CAPZB: variants seen among roughly 807,000 people sequenced by gnomAD.
The protein encoded by CAPZB is F-actin-capping protein subunit beta.
CAPZB carries 2 observed loss-of-function variants against 38.1 expected under a neutral mutation model. That is an observed-to-expected ratio of 0.05 (90% CI 0.02 to 0.17). The LOEUF is 0.17. CAPZB is among the 10% of genes least tolerant of loss of function. CAPZB has a pLI of 1.00. For synonymous variants in CAPZB, 107 were observed against 127.4 expected, an observed-to-expected ratio of 0.84 and a Z score of 1.08; for missense variants, 161 against 334.2, an observed-to-expected ratio of 0.48 and a Z score of 4.04.
chr1:19,442,381 G>A (rs146398623), intron 1 of CAPZB, among the ~76,000 whole-genome samples: 3 of 152,248 alleles, frequency 2.0e-5, no homozygotes, highest in East Asian at 3.9e-4. Context: ...CTGAAACAAC[G>A]CTGGGCACGG....
chr1:19,419,811 C>T (rs113768948), intron 1 of CAPZB, 61 bp from the exon 2 acceptor site: 12 of 1,002,242 alleles, frequency 1.2e-5, no homozygotes, highest in African/African-American at 6.5e-5. Flanking sequence ...TCAAAAACTC[C>T]TTTTAAAAAG....
At chr1:19,342,763 T>C in intron 8 of CAPZB, 1 of 1,608,428 alleles carries the variant, frequency 6.2e-7, no homozygotes, top group Admixed American at 1.7e-5. Context: ...TGGATCGGCT[T>C]AATTATCAGG....
chr1:19,449,417 A>G, intron 1 of CAPZB: 3 of 818,702 alleles, frequency 3.7e-6, no homozygotes, highest in Non-Finnish European at 4.5e-6. Context: ...AAGAACCAGC[A>G]GGTCTCAGGG....
At chr1:19,342,602 C>G (rs1219004184) in intron 8 of CAPZB, 2 of 640,294 alleles carry the variant, frequency 3.1e-6, no homozygotes, top group African/African-American at 1.8e-5. Context: ...CGAGGCTACA[C>G]GGGAATGTGG....
At chr1:19,440,864 C>G (rs534240091) in intron 1 of CAPZB, among the ~76,000 whole-genome samples, 3 of 152,086 alleles carry the variant, frequency 2.0e-5, no homozygotes, top group Admixed American at 2.0e-4. Context: ...ATCGAGACCA[C>G]CTTGGCTAAC....
chr1:19,479,319 A>G (rs1446189801), intron 1 of CAPZB, among the ~76,000 whole-genome samples: 2 of 152,184 alleles, frequency 1.3e-5, no homozygotes, highest in Admixed American at 6.5e-5. Context: ...ACCAGAACCT[A>G]ATGCTGTGTG....
Position 19,430,814 on chromosome 1 carries a change from T to C in CAPZB, c.4-11064A>G, listed in dbSNP as rs2094439465. ...CTACCTAAAGGCAAGCACTGCCTGC[T>C]TTTTACAACATATACAATGGGCTAA... is the stretch of plus-strand genomic sequence containing the variant. On this transcript the variant is annotated intron_variant, in intron 1 of 8. Coordinates refer to ENST00000264202, the MANE Select transcript of CAPZB (RefSeq NM_004930.5). Among the ~76,000 whole-genome samples, 2 of 152,200 alleles carry C rather than the reference T, an allele frequency of 1.3e-5. 1 individual carries two copies. Among genetic ancestry groups the C allele is most frequent in the Non-Finnish European group, 2.9e-5 (2 of 68,038 alleles).
intron 1 of CAPZB, among the ~76,000 whole-genome samples, chr1:19,426,726 T>C (rs1158276497): frequency 1.3e-5 from 2 of 152,208 alleles, no homozygotes; most frequent in Non-Finnish European, 2.9e-5. Context: ...TGCAATAGTA[T>C]GAGACCCCAA....
intron 2 of CAPZB, among the ~76,000 whole-genome samples, chr1:19,415,405 C>A (rs1008626694): frequency 1.3e-5 from 2 of 152,178 alleles, no homozygotes; most frequent in African/African-American, 2.4e-5. Flanking sequence ...CTGAAACTAC[C>A]GCTTTGGGAA....
At chr1:19,401,402 G>A (rs1566531) in intron 2 of CAPZB, among the ~76,000 whole-genome samples, 44,586 of 151,960 alleles carry the variant, frequency 0.29, 6,899 homozygotes, top group Middle Eastern at 0.37. Flanking sequence ...CATCAGCATC[G>A]GCAAATCTCC....
At chr1:19,352,833 T>C (rs2093999233) in intron 6 of CAPZB, among the ~76,000 whole-genome samples, 2 of 152,354 alleles carry the variant, frequency 1.3e-5, no homozygotes, top group African/African-American at 4.8e-5. Context: ...GAGGCAGGGC[T>C]AGGTGGAGGC....
At chr1:19,419,963 G>A in intron 1 of CAPZB, 1 of 522,098 alleles carries the variant, frequency 1.9e-6, no homozygotes, top group Non-Finnish European at 3.4e-6. Context: ...TCTCAAGTGG[G>A]GGCATCCAAA....
chr1:19,444,394 T>G (rs1019579912), intron 1 of CAPZB, among the ~76,000 whole-genome samples: 3 of 152,172 alleles, frequency 2.0e-5, no homozygotes, highest in African/African-American at 7.2e-5. Flanking sequence ...ATTAAAACAC[T>G]CTAGGGTCCA....
intron 4 of CAPZB, among the ~76,000 whole-genome samples, chr1:19,377,482 A>T (rs2094149934): frequency 6.6e-6 from 1 of 152,236 alleles, no homozygotes. Context: ...TGTATATAAA[A>T]TATTCGTATA....
At chr1:19,351,762 C>T (rs990994779) in intron 6 of CAPZB, among the ~76,000 whole-genome samples, 3 of 152,146 alleles carry the variant, frequency 2.0e-5, no homozygotes, top group Non-Finnish European at 4.4e-5. Flanking sequence ...ACATCCTTTA[C>T]CAGAAAACTG....
chr1:19,446,242 T>C (rs1184394918), intron 1 of CAPZB, among the ~76,000 whole-genome samples: 3 of 152,362 alleles, frequency 2.0e-5, no homozygotes, highest in South Asian at 4.1e-4. Flanking sequence ...CAGGATGCAC[T>C]GCGTGCAGGA....
intron 4 of CAPZB, among the ~76,000 whole-genome samples, chr1:19,371,531 C>A (rs1255301572): frequency 1.3e-5 from 2 of 152,164 alleles, no homozygotes. Flanking sequence ...CCCAGTCAGT[C>A]AGCAAGAAAA....
chr1:19,374,759 G>A (rs2094136641), intron 4 of CAPZB, among the ~76,000 whole-genome samples: 1 of 152,244 alleles, frequency 6.6e-6, no homozygotes, highest in South Asian at 2.1e-4. Flanking sequence ...CAGCAGACGG[G>A]AGCATTGGGT....
At chr1:19,467,309 C>T (rs922415236) in intron 1 of CAPZB, among the ~76,000 whole-genome samples, 1 of 152,178 alleles carries the variant, frequency 6.6e-6, no homozygotes, top group African/African-American at 2.4e-5. Flanking sequence ...TGCAGTGCAG[C>T]AGGCTAAAGC....
Sources: gnomAD v4.1 joint callset for allele counts (sites outside exome capture counted in the v4.1 genomes callset) on GRCh38, gnomAD v4.1.1 for gene constraint, MANE v1.5 for transcripts, NCBI Gene and HGNC (gene_info 2026-07-23, HGNC 2026-07-21) for gene names.